Variants in LYPD2 observed in about 807,000 individuals in gnomAD.
LYPD2 encodes LY6/PLAUR domain containing 2.
A neutral mutation model predicts 7.1 loss-of-function variants in LYPD2; 5 were observed. That is an observed-to-expected ratio of 0.70 (90% CI 0.37 to 1.48). The LOEUF is 1.48. Ranked by LOEUF, LYPD2 falls within the 40% of genes most tolerant of loss-of-function variation. LYPD2 has a pLI of 0.03. For missense variants in LYPD2, 177 were observed against 171.0 expected, an observed-to-expected ratio of 1.04 and a Z score of -0.20; for synonymous variants, 78 against 82.0, an observed-to-expected ratio of 0.95 and a Z score of 0.26.
Position 142,751,142 on chromosome 8 carries a change from C to G in LYPD2, c.87G>C (p.Pro29=), listed in dbSNP as rs762136284. 12 of 1,614,136 alleles carry G rather than the reference C, an allele frequency of 7.4e-6. No homozygotes were observed. The highest frequency in any genetic ancestry group is 1.7e-4 in the Middle Eastern group (1 of 6,056). The change falls in exon 2 of 3, where the codon CCG becomes CCC. Residue 29 remains proline, a synonymous_variant. Transcript: ENST00000359228. ...LAPALRCYVC[P]EPTGVSDCVT... Reference sequence around the variant, plus strand: ...CACAGTCCGACACTCCTGTGGGCTCCGGACAGACGTAGCAGCGCAGGGCCG... The same window carrying G: ...CACAGTCCGACACTCCTGTGGGCTCGGGACAGACGTAGCAGCGCAGGGCCG...
Position 142,752,504 on chromosome 8 carries a change from G to A in LYPD2, c.-53C>T. The A allele has an allele frequency of 6.2e-7, 1 of 1,601,634 alleles. No individual in the cohort carries two copies. The highest frequency in any genetic ancestry group is 1.7e-5 in the Admixed American group (1 of 59,504). On this transcript the variant is annotated 5_prime_UTR_variant, in exon 1 of 3. Transcript: ENST00000359228. ...ACCCCAGGCTTGCCTGGCGGGGACA[G>A]CAGACACCAAGTGAGGTGGCGACAG...
At chr8:142,751,195 C>T in intron 1 of LYPD2, 25 bp from the exon 2 acceptor site, 1 of 1,611,886 alleles carries the variant, frequency 6.2e-7, no homozygotes, top group Non-Finnish European at 8.5e-7. Context: ...CAAGGGCGGT[C>T]AGGCAGGCTC....
Position 142,751,062 on chromosome 8 carries a change from G to A in LYPD2, c.167C>T (p.Ser56Phe), listed in dbSNP as rs1282812429. 15 of 1,614,088 alleles carry A rather than the reference G, an allele frequency of 9.3e-6. No homozygotes were observed. In the Admixed American group the frequency reaches 2.3e-4, roughly 25 times the overall value. ...NETMCKTTLY[S>F]REIVYPFQGD... Reference sequence around the variant, plus strand: ...CTGTGCCCACTGACCTATCTCCCGGGAGTAGAGTGTGGTCTTGCACATGGT... The same window carrying A: ...CTGTGCCCACTGACCTATCTCCCGGAAGTAGAGTGTGGTCTTGCACATGGT... The change falls in exon 2 of 3, where the codon TCC becomes TTC. Residue 56 changes from serine to phenylalanine, a missense_variant. Physicochemically the swap from Ser to Phe is radical, Grantham distance 155. Coordinates refer to ENST00000359228, the MANE Select transcript of LYPD2 (RefSeq NM_205545.3).
At chr8:142,750,587 C>T (rs776028334) in intron 2 of LYPD2, 105 bp from the exon 3 acceptor site, 13 of 1,125,174 alleles carry the variant, frequency 1.2e-5, no homozygotes, top group Admixed American at 2.0e-5. Context: ...GTCACCCACC[C>T]GGGTCTCCGT....
In LYPD2 at chr8:142,751,073, G is replaced by A. The variant is rs767909460; in HGVS notation, c.156C>T (p.Thr52=). 6.2e-6 allele frequency: 10 copies of A among 1,614,222 alleles called. No individual in the cohort carries two copies. The South Asian group carries it at 8.8e-5, about 14-fold the overall frequency. The change falls in exon 2 of 3, where the codon ACC becomes ACT. Residue 52 remains threonine, a synonymous_variant. Transcript: ENST00000359228. ...GACCTATCTCCCGGGAGTAGAGTGT[G>A]GTCTTGCACATGGTTTCGTTGGTGG... ...TCTTNETMCK[T]TLYSREIVYP... is the part of the protein sequence containing the mutation.
rs1189402201 is a variant in LYPD2 at position 142,751,035 on chromosome 8, T to C, written c.178+16A>G. ...GACCGGGAACCCGGCCCTGCCCGCC[T>C]TCTGTGCCCACTGACCTATCTCCCG... On this transcript the variant is annotated intron_variant, in intron 2 of 2. Transcript: ENST00000359228. The C allele has an allele frequency of 6.2e-7, 1 of 1,614,012 alleles. No individual in the cohort carries two copies.
chr8:142,750,158 G>T lies in LYPD2; in HGVS notation c.*125C>A. The T allele has an allele frequency of 6.5e-6, 5 of 767,532 alleles. No homozygotes were observed. Among genetic ancestry groups the T allele is most frequent in the Non-Finnish European group, 1.1e-5 (5 of 470,752 alleles). 47.5% of individuals were successfully genotyped at this position (767,532 alleles called of 1,614,324 possible). A position where few individuals can be genotyped will look rare whatever the true frequency, so the allele number is the denominator to read the frequency against. On this transcript the variant is annotated 3_prime_UTR_variant, in exon 3 of 3. Transcript: ENST00000359228. ...GACACACAGGAACGGGGACATCGAC[G>T]AGGTCAGAGATGCAGCAGGGCAGGT...
intron 2 of LYPD2, 52 bp downstream of exon 2, chr8:142,750,999 G>A: frequency 6.2e-7 from 1 of 1,612,000 alleles, no homozygotes; most frequent in Non-Finnish European, 8.5e-7. Flanking sequence ...GACTGGGCTG[G>A]AGGTGGCTCT....
chr8:142,752,263 C>T, intron 1 of LYPD2, 131 bp downstream of exon 1: 1 of 986,516 alleles, frequency 1.0e-6, no homozygotes. Context: ...GGGGGCCACA[C>T]CCCCGGCCCC....
Position 142,751,053 on chromosome 8 carries a change from A to G in LYPD2, c.176T>C (p.Ile59Thr), listed in dbSNP as rs780821747. ...GCCCGCCTTCTGTGCCCACTGACCT[A>G]TCTCCCGGGAGTAGAGTGTGGTCTT... ...MCKTTLYSRE[I>T]VYPFQGDSTV... The change falls in exon 2 of 3, where the codon ATA (isoleucine) becomes ACA (threonine). Residue 59 changes from isoleucine to threonine, a missense_variant and splice_region_variant. Transcript: ENST00000359228. 1 of 1,613,966 alleles carries G rather than the reference A, an allele frequency of 6.2e-7. No individual in the cohort carries two copies.
rs368266413 is a variant in LYPD2 at position 142,751,037 on chromosome 8, C to T, written c.178+14G>A. On this transcript the variant is annotated intron_variant, in intron 2 of 2. Transcript: ENST00000359228. Reference sequence around the variant, plus strand: ...CCGGGAACCCGGCCCTGCCCGCCTTCTGTGCCCACTGACCTATCTCCCGGG... The same window carrying T: ...CCGGGAACCCGGCCCTGCCCGCCTTTTGTGCCCACTGACCTATCTCCCGGG... The T allele has an allele frequency of 1.2e-6, 2 of 1,613,932 alleles. No homozygotes were observed. The highest frequency in any genetic ancestry group is 1.3e-5 in the African/African-American group (1 of 74,938).
rs1467826052 is a variant in LYPD2, at chr8:142,752,268, G to A, written c.58+126C>T. 3.8e-5 allele frequency: 33 copies of A among 862,554 alleles called. No homozygotes were observed. In the East Asian group the frequency reaches 6.3e-4, roughly 16 times the overall value. The allele number at this position is 862,554 out of a possible 1,614,324, so 53.4% of individuals were successfully genotyped here. ...CTTATGGCGGGGGGGCCACACCCCC[G>A]GCCCCACAGCTCTGGCTTCTCCTGC... is the stretch of plus-strand genomic sequence containing the variant. On this transcript the variant is annotated intron_variant, in intron 1 of 2. Coordinates refer to ENST00000359228, the MANE Select transcript of LYPD2 (RefSeq NM_205545.3).
intron 1 of LYPD2, among the ~76,000 whole-genome samples, chr8:142,751,851 G>A (rs1169443223): frequency 6.6e-6 from 1 of 152,176 alleles, no homozygotes; most frequent in Admixed American, 6.5e-5. Context: ...CGGGGCCTCT[G>A]CCCCTCTCTG....
At position 142,750,325 on chromosome 8, in the gene LYPD2, G is replaced by A. The variant is rs374197716; in HGVS notation, c.336C>T (p.Cys112=). ...DGAPALNSLH[C]GALTLLPLLS... is the part of the protein sequence containing the mutation. ...AGAGTGGGAGGAGCGTGAGGGCCCC[G>A]CAGTGGAGGCTGTTCAGAGCGGGCG... is the stretch of plus-strand genomic sequence containing the variant. The change falls in exon 3 of 3, where the codon TGC becomes TGT. Residue 112 remains cysteine, a synonymous_variant. Coordinates refer to ENST00000359228, the MANE Select transcript of LYPD2 (RefSeq NM_205545.3). The A allele has an allele frequency of 2.6e-5, 41 of 1,554,794 alleles. No individual in the cohort carries two copies. Among genetic ancestry groups the A allele is most frequent in the African/African-American group, 5.5e-5 (4 of 73,390 alleles).
intron 1 of LYPD2, 110 bp downstream of exon 1, chr8:142,752,284 C>G: frequency 7.7e-7 from 1 of 1,290,804 alleles, no homozygotes; most frequent in South Asian, 1.3e-5. Context: ...ACAGCTCTGG[C>G]TTCTCCTGCC....
At position 142,750,548 on chromosome 8, in the gene LYPD2, G is replaced by A. The variant is rs1015633613; in HGVS notation, c.179-66C>T. 2.0e-6 allele frequency: 3 copies of A among 1,478,936 alleles called. No homozygotes were observed. The African/African-American group carries it at 4.2e-5, about 21-fold the overall frequency. The allele number at this position is 1,478,936 out of a possible 1,614,324, so 91.6% of individuals were successfully genotyped here. ...TGCCTCCAAGCCCTGGTCCCTGCCA[G>A]TACCACCTCATGCAGGCCCCACTCT... On this transcript the variant is annotated intron_variant, in intron 2 of 2. Transcript: ENST00000359228.
chr8:142,752,313 G>T, intron 1 of LYPD2, 81 bp downstream of exon 1: 1 of 1,546,012 alleles, frequency 6.5e-7, no homozygotes, highest in Non-Finnish European at 8.9e-7. Context: ...CCCTTCCTGG[G>T]GCGCCCTCCC....
chr8:142,750,426 G>T lies in LYPD2; in HGVS notation c.235C>A (p.Pro79Thr). 6.3e-7 allele frequency: 1 copy of T among 1,588,582 alleles called. No homozygotes were observed. The highest frequency in any genetic ancestry group is 8.6e-7 in the Non-Finnish European group (1 of 1,167,280). The stretch of plus-strand genomic sequence containing the variant: ...TGGCCGATGCCATCCACATCCGAGG[G>T]CTTACACTTGCTGGCACAGGACTTG... ...VTKSCASKCKPSDVDGIGQTL... is the reference protein window; with the variant it reads ...VTKSCASKCKTSDVDGIGQTL... Residue 79 changes from proline to threonine, a missense_variant, in exon 3 of 3, where the codon CCC becomes ACC. Coordinates refer to ENST00000359228, the MANE Select transcript of LYPD2 (RefSeq NM_205545.3).
rs1257590317 is a variant in LYPD2 at position 142,751,067 on chromosome 8, G to A, written c.162C>T (p.Leu54=). Residue 54 remains leucine, a synonymous_variant, in exon 2 of 3, where the codon CTC becomes CTT. Coordinates refer to ENST00000359228, the MANE Select transcript of LYPD2 (RefSeq NM_205545.3). The part of the protein sequence containing the change: ...TTNETMCKTT[L]YSREIVYPFQ... Reference sequence around the variant, plus strand: ...CCCACTGACCTATCTCCCGGGAGTAGAGTGTGGTCTTGCACATGGTTTCGT... The same window carrying A: ...CCCACTGACCTATCTCCCGGGAGTAAAGTGTGGTCTTGCACATGGTTTCGT... 6 of 1,614,212 alleles carry A rather than the reference G, an allele frequency of 3.7e-6. No homozygotes were observed. The highest frequency in any genetic ancestry group is 5.1e-6 in the Non-Finnish European group (6 of 1,180,036).
Sources: allele counts gnomAD v4.1 joint callset (sites outside exome capture counted in the v4.1 genomes callset), GRCh38; gene constraint gnomAD v4.1.1; transcripts MANE v1.5; gene names NCBI Gene and HGNC (gene_info 2026-07-23, HGNC 2026-07-21).